IGFN1: variants seen among roughly 807,000 people sequenced by gnomAD.
IGFN1 encodes immunoglobulin like and fibronectin type III domain containing 1, also known as immunoglobulin-like and fibronectin type III domain-containing protein 1.
IGFN1 carries 253 observed loss-of-function variants against 289.5 expected under a neutral mutation model. That is an observed-to-expected ratio of 0.87 (90% CI 0.79 to 0.97). The LOEUF is 0.97. Ranked by LOEUF, IGFN1 falls within the 50% of genes least tolerant of loss-of-function variation. The pLI, the probability that IGFN1 is intolerant of heterozygous loss-of-function variation, is 0.00. For missense variants in IGFN1, 4,470 were observed against 4,686.1 expected (o/e 0.95, Z 1.35); for synonymous variants, 1,706 against 1,788.5 (o/e 0.95, Z 1.16).
At position 201,213,077 on chromosome 1, in the gene IGFN1, A is replaced by T. The variant is rs1387771763; in HGVS notation, c.8184A>T (p.Lys2728Asn). 6.4e-7 allele frequency: 1 copy of T among 1,551,418 alleles called. No homozygotes were observed. Among genetic ancestry groups the T allele is most frequent in the Non-Finnish European group, 8.7e-7 (1 of 1,146,948 alleles). Residue 2728 changes from lysine (K) to asparagine (N), a missense_variant, in exon 12 of 24, where the codon AAA (lysine) becomes AAT (asparagine). By Grantham distance (94) the Lys-to-Asn change is moderately conservative (BLOSUM62 0). Coordinates refer to ENST00000335211, the MANE Select transcript of IGFN1 (RefSeq NM_001164586.2). ...AGTGGGGGAATGCCCTCACCCCAAA[A>T]CCTGGGGAGTCCGGACCTCAGGGAG... Reference protein sequence around the residue: ...STEWGNALTPKPGESGPQGAW... With the variant: ...STEWGNALTPNPGESGPQGAW...
chr1:201,208,926 G>A lies in IGFN1; in HGVS notation c.4033G>A (p.Gly1345Ser), dbSNP rs1275490728. Residue 1345 changes from glycine to serine, a missense_variant, in exon 12 of 24, where the codon GGT (glycine) becomes AGT (serine). Transcript: ENST00000335211. ...SSGSKADYRG[G>S]LQDSREAGSG... Reference sequence around the variant, plus strand: ...AGGGAGCAAGGCAGATTATAGGGGTGGTTTACAGGATTCCAGGGAAGCGGG... The same window carrying A: ...AGGGAGCAAGGCAGATTATAGGGGTAGTTTACAGGATTCCAGGGAAGCGGG... 6.5e-7 allele frequency: 1 copy of A among 1,536,554 alleles called. No individual in the cohort carries two copies. The highest frequency in any genetic ancestry group is 1.4e-5 in the African/African-American group (1 of 73,012).
chr1:201,195,273 TC>T (rs1666865243), intron 3 of IGFN1, among the ~76,000 whole-genome samples: 2 of 152,098 alleles, frequency 1.3e-5, no homozygotes, highest in Admixed American at 1.3e-4. Context: ...TGCCTCAGCC[TC>T]CCAAGTAGCT....
At chr1:201,213,926 G>A (rs1446981500) in intron 12 of IGFN1, among the ~76,000 whole-genome samples, 1 of 152,006 alleles carries the variant, frequency 6.6e-6, no homozygotes, top group Non-Finnish European at 1.5e-5. Context: ...CACCTGTGGC[G>A]GGGGGGCCCT....
chr1:201,197,175 G>A, intron 4 of IGFN1, 43 bp from the exon 5 acceptor site: 1 of 1,196,730 alleles, frequency 8.4e-7, no homozygotes, highest in East Asian at 2.6e-5. Flanking sequence ...ATGGAGGAAG[G>A]GGATGTGGTA....
At chr1:201,196,066 A>C (rs768798064) in intron 4 of IGFN1, 88 bp downstream of exon 4, 121 of 1,341,342 alleles carry the variant, frequency 9.0e-5, no homozygotes, top group Non-Finnish European at 1.2e-4. Context: ...CAATCCCTAG[A>C]GGAGTAAGAC....
Position 201,212,183 on chromosome 1 carries a change from A to G in IGFN1, c.7290A>G (p.Pro2430=), listed in dbSNP as rs1453892879. Reference sequence around the variant, plus strand: ...TGGAACCTGGGATGGCTGGAATGCCAGGCACTGCAGGTGGCATGGCACACA... The same window carrying G: ...TGGAACCTGGGATGGCTGGAATGCCGGGCACTGCAGGTGGCATGGCACACA... ...PGVEPGMAGM[P]GTAGGMAHRD... The change falls in exon 12 of 24, where the codon CCA becomes CCG. Residue 2430 remains proline, a synonymous_variant. Transcript: ENST00000335211. 1 of 1,535,588 alleles carries G rather than the reference A, an allele frequency of 6.5e-7. No individual in the cohort carries two copies. The highest frequency in any genetic ancestry group is 8.7e-7 in the Non-Finnish European group (1 of 1,146,326).
At position 201,227,194 on chromosome 1, in the gene IGFN1, C is replaced by T. The variant is rs149815205; in HGVS notation, c.11099C>T (p.Thr3700Ile). 3.1e-6 allele frequency: 5 copies of T among 1,592,194 alleles called. No individual in the cohort carries two copies. Among genetic ancestry groups the T allele is most frequent in the Non-Finnish European group, 4.3e-6 (5 of 1,169,064 alleles). ...NTLGQAVSTA[T>I]LIVIEPST The stretch of plus-strand genomic sequence containing the variant: ...CTGGGCCAGGCAGTCAGCACTGCCA[C>T]CCTCATTGTCATAGGTAATGGTGGC... Residue 3700 changes from threonine to isoleucine, a missense_variant, in exon 23 of 24, where the codon ACC becomes ATC. Physicochemically the swap from Thr to Ile is moderately conservative, Grantham distance 89. Coordinates refer to ENST00000335211, the MANE Select transcript of IGFN1 (RefSeq NM_001164586.2).
rs112534806 is a variant in IGFN1 at position 201,228,551 on chromosome 1, G to T, written c.*152G>T. 80 of 802,026 alleles carry T rather than the reference G, an allele frequency of 1.0e-4. No individual in the cohort carries two copies. The African/African-American group carries it at 1.3e-3, about 13-fold the overall frequency. 49.7% of individuals were successfully genotyped at this position (802,026 alleles called of 1,614,324 possible). On this transcript the variant is annotated 3_prime_UTR_variant, in exon 24 of 24. Transcript: ENST00000335211. ...TGCCTGGCGAGGTTTTGGCCAGGAG[G>T]ACGTGAAGTCCTTGGGGAAGAAAAA...
At position 201,205,336 on chromosome 1, in the gene IGFN1, G is replaced by C. The variant is rs576389837; in HGVS notation, c.1171G>C (p.Ala391Pro). 6.5e-7 allele frequency: 1 copy of C among 1,539,784 alleles called. No individual in the cohort carries two copies. Among genetic ancestry groups the C allele is most frequent in the Non-Finnish European group, 8.8e-7 (1 of 1,138,720 alleles). The part of the protein sequence containing the change: ...SLGTGLYTSS[A>P]WLVVEAGKDK... ...GGGCACCGGGCTCTACACTTCCAGC[G>C]CCTGGCTGGTGGTTGAAGGTGAGTG... The change falls in exon 11 of 24, where the codon GCC (alanine) becomes CCC (proline). Residue 391 changes from alanine (A) to proline (P), a missense_variant. Coordinates refer to ENST00000335211, the MANE Select transcript of IGFN1 (RefSeq NM_001164586.2).
rs755093584 is a variant in IGFN1, at chr1:201,200,315, C to T, written c.537C>T (p.Tyr179=). ...TGATGACAGCAGACAGGAAGGACTA[C>T]GAGAAGATCTGCTTGAAGTATGGCA... ...QLLMTADRKD[Y]EKICLKYGIV... is the part of the protein sequence containing the mutation. Residue 179 remains tyrosine (Y), a synonymous_variant, in exon 8 of 24, where the codon TAC becomes TAT. Transcript: ENST00000335211. 3.2e-5 allele frequency: 50 copies of T among 1,551,590 alleles called. No individual in the cohort carries two copies. The highest frequency in any genetic ancestry group is 4.8e-5 in the South Asian group (4 of 84,054).
In IGFN1 at chr1:201,194,285, G is replaced by C. The variant is rs187854226; in HGVS notation, c.127+12G>C. ...GGCTCTGCCAGAGGGTGAGCCCAGAGGGGAGCTGCGGAGGGGAGGCAAGAT... is the reference window on the plus strand; with the variant it reads ...GGCTCTGCCAGAGGGTGAGCCCAGACGGGAGCTGCGGAGGGGAGGCAAGAT... On this transcript the variant is annotated intron_variant, in intron 3 of 23. Transcript: ENST00000335211. 715 of 1,550,870 alleles carry C rather than the reference G, an allele frequency of 4.6e-4. 5 individuals carry two copies. The African/African-American group carries it at 9.0e-3, about 20-fold the overall frequency.
intron 4 of IGFN1, 44 bp from the exon 5 acceptor site, chr1:201,197,174 G>A (rs1350786352): frequency 1.7e-6 from 2 of 1,182,106 alleles, no homozygotes; most frequent in Non-Finnish European, 2.5e-6. Context: ...AATGGAGGAA[G>A]GGGATGTGGT....
Position 201,209,150 on chromosome 1 carries a change from A to G in IGFN1, c.4257A>G (p.Glu1419=), listed in dbSNP as rs1343208773. Residue 1419 remains glutamate (E), a synonymous_variant, in exon 12 of 24, where the codon GAA becomes GAG. Transcript: ENST00000335211. ...GHRNGIGGYG[E]MGSGYREDLG... is the part of the protein sequence containing the mutation. ...GGAATGGGATTGGAGGTTATGGGGA[A>G]ATGGGGTCAGGTTATAGGGAGGATT... The G allele has an allele frequency of 6.6e-7, 1 of 1,508,146 alleles. No homozygotes were observed. The highest frequency in any genetic ancestry group is 8.8e-7 in the Non-Finnish European group (1 of 1,136,212). The allele number at this position is 1,508,146 out of a possible 1,614,324, so 93.4% of individuals were successfully genotyped here. A position where few individuals can be genotyped will look rare whatever the true frequency, so the allele number is the denominator to read the frequency against.
rs1284676983 is a variant in IGFN1, at chr1:201,205,294, A to T, written c.1129A>T (p.Met377Leu). ...LVVRGARFSD[M>L]GPYSLGTGLY... ...GGTGAGGGGGGCACGTTTCTCAGAC[A>T]TGGGCCCCTATTCGCTGGGCACCGG... Residue 377 changes from methionine to leucine, a missense_variant, in exon 11 of 24, where the codon ATG (methionine) becomes TTG (leucine). This residue lies in a region of IGFN1 where 2,011 missense variants were observed against 1,953.4 expected (regional missense o/e 1.03). Coordinates refer to ENST00000335211, the MANE Select transcript of IGFN1 (RefSeq NM_001164586.2). The T allele has an allele frequency of 6.6e-7, 1 of 1,521,002 alleles. No homozygotes were observed. The highest frequency in any genetic ancestry group is 2.5e-5 in the East Asian group (1 of 39,772). The allele number at this position is 1,521,002 out of a possible 1,614,324, so 94.2% of individuals were successfully genotyped here. A position where few individuals can be genotyped will look rare whatever the true frequency, so the allele number is the denominator to read the frequency against.
At chr1:201,215,265 A>T (rs1408899694) in intron 14 of IGFN1, 111 bp downstream of exon 14, 3 of 1,157,984 alleles carry the variant, frequency 2.6e-6, no homozygotes, top group Middle Eastern at 5.9e-4. Flanking sequence ...TGCAGCCAGT[A>T]TCTAATCTCA....
At chr1:201,227,694 A>T (rs185376587) in intron 23 of IGFN1, among the ~76,000 whole-genome samples, 363 of 152,044 alleles carry the variant, frequency 2.4e-3, no homozygotes, top group African/African-American at 7.2e-3. Flanking sequence ...CCTCCCAAAG[A>T]GCTAGGATTA....
Position 201,213,226 on chromosome 1 carries a change from A to G in IGFN1, c.8333A>G (p.Gln2778Arg). 6.4e-7 allele frequency: 1 copy of G among 1,551,696 alleles called. No homozygotes were observed. Among genetic ancestry groups the G allele is most frequent in the Non-Finnish European group, 8.7e-7 (1 of 1,146,956 alleles). Reference protein sequence around the residue: ...QRGGKRSLGEQGSLEAENGEV... With the variant: ...QRGGKRSLGERGSLEAENGEV... ...GGAGGAAAGAGGTCCCTCGGGGAGC[A>G]GGGGTCCCTGGAGGCTGAGAATGGT... Residue 2778 changes from glutamine (Q) to arginine (R), a missense_variant, in exon 12 of 24, where the codon CAG (glutamine) becomes CGG (arginine). Gln to Arg is a conservative substitution (Grantham distance 43). Coordinates refer to ENST00000335211, the MANE Select transcript of IGFN1 (RefSeq NM_001164586.2).
In IGFN1 at chr1:201,228,449, C is replaced by T. The variant is rs1253598388; in HGVS notation, c.*50C>T. The T allele has an allele frequency of 2.5e-6, 4 of 1,594,682 alleles. No homozygotes were observed. In the Admixed American group the frequency reaches 6.7e-5, roughly 27 times the overall value. On this transcript the variant is annotated 3_prime_UTR_variant, in exon 24 of 24. Transcript: ENST00000335211. ...TGGACCCTTGAAGCTTCACTTCCGA[C>T]ACCTGCACTGGCCCGGGAAGCCAAT...
chr1:201,222,705 G>A (rs1558159943), intron 19 of IGFN1, 34 bp from the exon 20 acceptor site: 1 of 1,526,810 alleles, frequency 6.5e-7, no homozygotes. Flanking sequence ...CTGTGAGGGA[G>A]GAGGGAGGTA....
Sources: gnomAD v4.1 joint callset for allele counts (sites outside exome capture counted in the v4.1 genomes callset) on GRCh38, gnomAD v4.1.1 for gene constraint, gnomAD v4.1.1 regional missense constraint, MANE v1.5 for transcripts, NCBI Gene and HGNC (gene_info 2026-07-23, HGNC 2026-07-21) for gene names.